The following ANK2 variants were observed in gnomAD, a reference collection of about 807,000 sequenced individuals.
The protein encoded by ANK2 is ankyrin-2.
Under a neutral mutation model 360.5 loss-of-function variants are expected in ANK2, and 83 were observed. The observed-to-expected ratio is 0.23, with a 90% CI of 0.19 to 0.28. The LOEUF (loss-of-function observed/expected upper bound fraction) is 0.28. Ranked by LOEUF, ANK2 falls within the 10% of genes least tolerant of loss-of-function variation. ANK2 has a pLI of 1.00. For synonymous variants in ANK2, 1,740 were observed against 1,759.5 expected (o/e 0.99, Z 0.28); for missense variants, 4,201 against 4,795.7 (o/e 0.88, Z 3.66).
At position 113,381,877 on chromosome 4, in the gene ANK2, G is replaced by A. The variant is rs1299295873; in HGVS notation, c.*406G>A. The A allele has an allele frequency of 7.9e-6, 3 of 378,814 alleles. No homozygotes were observed. The highest frequency in any genetic ancestry group is 1.5e-5 in the Non-Finnish European group (3 of 197,614). The allele number at this position is 378,814 out of a possible 1,614,324, so 23.5% of individuals were successfully genotyped here. A position where few individuals can be genotyped will look rare whatever the true frequency, so the allele number is the denominator to read the frequency against. ...CTGTATCCAATACTTTGTTGTGTCTGTGCTAACCTGGGAACTGGCCACCTC... is the reference window on the plus strand; with the variant it reads ...CTGTATCCAATACTTTGTTGTGTCTATGCTAACCTGGGAACTGGCCACCTC... On this transcript the variant is annotated 3_prime_UTR_variant, in exon 46 of 46. Transcript: ENST00000357077.
At chr4:112,903,440 A>G (rs1043974929) in intron 1 of ANK2, among the ~76,000 whole-genome samples, 8 of 152,196 alleles carry the variant, frequency 5.3e-5, no homozygotes, top group African/African-American at 1.9e-4. Context: ...CCATTGCATC[A>G]TTTCTAACAC....
chr4:113,327,418 C>T (rs1245647140), intron 26 of ANK2, among the ~76,000 whole-genome samples: 6 of 152,152 alleles, frequency 3.9e-5, no homozygotes, highest in African/African-American at 9.7e-5. Flanking sequence ...TATAGTGATT[C>T]GAATGAATTC....
chr4:112,883,249 G>A (rs541301768), intron 1 of ANK2, among the ~76,000 whole-genome samples: 1 of 151,794 alleles, frequency 6.6e-6, no homozygotes, highest in East Asian at 1.9e-4. Context: ...ATGTTGGCCA[G>A]GCTGGTCTCG....
the ANK2 span, among the ~76,000 whole-genome samples, chr4:112,787,531 GT>G: frequency 6.6e-6 from 1 of 152,232 alleles, no homozygotes; most frequent in East Asian, 1.9e-4. Flanking sequence ...AATTCTCTCT[GT>G]ATTCTCTACT....
At chr4:112,833,009 G>A (rs1367899211) in intron 1 of ANK2, among the ~76,000 whole-genome samples, 1 of 152,176 alleles carries the variant, frequency 6.6e-6, no homozygotes, top group Non-Finnish European at 1.5e-5. Flanking sequence ...TAGGTTGGAA[G>A]GACAGAAAGT....
the ANK2 span, among the ~76,000 whole-genome samples, chr4:112,757,112 C>CTT: frequency 2.7e-4 from 36 of 135,334 alleles, 1 homozygote; most frequent in African/African-American, 8.6e-4. Context: ...CTTTTCTTTT[C>CTT]TTTTTTTTTT....
chr4:113,381,753 A>G lies in ANK2; in HGVS notation c.*282A>G. The G allele has an allele frequency of 8.8e-7, 1 of 1,142,658 alleles. No homozygotes were observed. The highest frequency in any genetic ancestry group is 1.2e-6 in the Non-Finnish European group (1 of 813,478). The allele number at this position is 1,142,658 out of a possible 1,614,324, so 70.8% of individuals were successfully genotyped here. ...ATTAATGGGATACCCCGACATTTCC[A>G]CTGTTAGCAAATATACGGCATTTTG... is the stretch of plus-strand genomic sequence containing the variant. On this transcript the variant is annotated 3_prime_UTR_variant, in exon 46 of 46. Coordinates refer to ENST00000357077, the MANE Select transcript of ANK2 (RefSeq NM_001148.6).
At chr4:113,236,863 C>A in intron 5 of ANK2, 124 bp from the exon 6 acceptor site, 1 of 981,910 alleles carries the variant, frequency 1.0e-6, no homozygotes, top group African/African-American at 1.6e-5. Context: ...CTAATCTTCC[C>A]AGTAATATTT....
At chr4:113,153,289 C>A (rs1045797750) in intron 1 of ANK2, among the ~76,000 whole-genome samples, 2 of 152,022 alleles carry the variant, frequency 1.3e-5, no homozygotes, top group African/African-American at 4.8e-5. Context: ...AGCTGAAGTA[C>A]CTTTATATTT....
intron 1 of ANK2, among the ~76,000 whole-genome samples, chr4:113,167,049 A>T (rs1236284270): frequency 1.3e-5 from 2 of 152,166 alleles, no homozygotes; most frequent in Non-Finnish European, 2.9e-5. Flanking sequence ...TGTCTCTTAG[A>T]CTGTACCATA....
intron 2 of ANK2, among the ~76,000 whole-genome samples, chr4:112,968,125 A>G (rs928220701): frequency 6.6e-6 from 1 of 152,140 alleles, no homozygotes; most frequent in Non-Finnish European, 1.5e-5. Flanking sequence ...TCAATTGCTT[A>G]TTCATTTGAA....
chr4:113,079,084 T>G (rs957337312), intron 1 of ANK2, among the ~76,000 whole-genome samples: 3 of 152,202 alleles, frequency 2.0e-5, no homozygotes, highest in Admixed American at 6.5e-5. Flanking sequence ...GCACAAGACC[T>G]TAAGGGTCCT....
At chr4:113,203,379 T>C (rs1364662277) in intron 4 of ANK2, among the ~76,000 whole-genome samples, 2 of 152,088 alleles carry the variant, frequency 1.3e-5, no homozygotes, top group African/African-American at 2.4e-5. Context: ...TTTCTTTAAA[T>C]ACTTGTAGCA....
intron 1 of ANK2, among the ~76,000 whole-genome samples, chr4:113,152,554 A>G (rs771457809): frequency 6.6e-6 from 1 of 152,178 alleles, no homozygotes; most frequent in Non-Finnish European, 1.5e-5. Context: ...TGATTTTTCA[A>G]AGCTGACCTT....
intron 32 of ANK2, among the ~76,000 whole-genome samples, chr4:113,339,765 A>G (rs1292994757): frequency 6.6e-6 from 1 of 152,250 alleles, no homozygotes; most frequent in African/African-American, 2.4e-5. Flanking sequence ...TATGTATTAC[A>G]TATCTTTAAA....
At chr4:113,271,570 T>C (rs539256502) in intron 14 of ANK2, among the ~76,000 whole-genome samples, 7 of 152,070 alleles carry the variant, frequency 4.6e-5, no homozygotes, top group African/African-American at 1.7e-4. Flanking sequence ...GAAGAAGAGA[T>C]AGTAAAAAAT....
chr4:113,075,413 A>G (rs2079507454), intron 1 of ANK2, among the ~76,000 whole-genome samples: 1 of 152,214 alleles, frequency 6.6e-6, no homozygotes. Flanking sequence ...GTCTAAAAAG[A>G]TAACATCTTT....
the ANK2 span, among the ~76,000 whole-genome samples, chr4:112,793,313 A>G: frequency 6.6e-6 from 1 of 152,204 alleles, no homozygotes; most frequent in Non-Finnish European, 1.5e-5. Context: ...TAATAAAAAA[A>G]AGGCAAATCT....
chr4:112,782,803 A>G, the ANK2 span, among the ~76,000 whole-genome samples: 2 of 150,382 alleles, frequency 1.3e-5, no homozygotes, highest in South Asian at 2.2e-4. Flanking sequence ...TGGGAGGTGG[A>G]GGTTGCAGTG....
Sources: gnomAD v4.1 joint callset for allele counts (sites outside exome capture counted in the v4.1 genomes callset) on GRCh38, gnomAD v4.1.1 for gene constraint, MANE v1.5 for transcripts, NCBI Gene and HGNC (gene_info 2026-07-23, HGNC 2026-07-21) for gene names.